The following PCDH15 variants were observed in gnomAD, a reference collection of about 807,000 sequenced individuals.
PCDH15 encodes the protein protocadherin related 15, also known as protocadherin-15.
In PCDH15, 129 loss-of-function variants were observed where a neutral mutation model predicts 178.5. The observed-to-expected ratio is 0.72, with a 90% CI of 0.63 to 0.84. The LOEUF (loss-of-function observed/expected upper bound fraction) is 0.84, where lower values mean the gene tolerates loss of function less well. Among genes scored for constraint, PCDH15 ranks in the 40% least tolerant of loss-of-function variants. The probability of loss-of-function intolerance (pLI) is 0.00; values close to 1 mark genes in which losing one functional copy is unlikely to be tolerated. For synonymous variants in PCDH15, 800 were observed against 732.0 expected (o/e 1.09, Z -1.50); for missense variants, 2,230 against 2,099.9 (o/e 1.06, Z -1.21).
At chr10:53,959,601 T>A in intron 23 of PCDH15, 131 bp downstream of exon 23, 1 of 669,000 alleles carries the variant, frequency 1.5e-6, no homozygotes. Flanking sequence ...CTATATTTTA[T>A]GTTAATTTAG....
chr10:53,913,042 T>C (rs1017386889), intron 25 of PCDH15, among the ~76,000 whole-genome samples: 1 of 152,144 alleles, frequency 6.6e-6, no homozygotes, highest in Admixed American at 6.6e-5. Context: ...CTTCAAGCTA[T>C]ACTACAAGGC....
chr10:53,932,222 A>G (rs137901466), intron 25 of PCDH15, among the ~76,000 whole-genome samples: 1,678 of 152,320 alleles, frequency 0.011, 21 homozygotes, highest in African/African-American at 0.022. Context: ...TGCCTTTTGC[A>G]GTATCATCAC....
rs903145299 is a variant in PCDH15 at position 54,664,179 on chromosome 10, A to G, written c.84T>C (p.Tyr28=). 1.2e-6 allele frequency: 2 copies of G among 1,611,686 alleles called. No homozygotes were observed. Among genetic ancestry groups the G allele is most frequent in the Non-Finnish European group, 1.7e-6 (2 of 1,178,534 alleles). The change falls in exon 2 of 38, where the codon TAT becomes TAC. Residue 28 remains tyrosine, a synonymous_variant. Coordinates refer to ENST00000644397, the MANE Select transcript of PCDH15 (RefSeq NM_001384140.1). The part of the protein sequence containing the change: ...GSLFEICLGQ[Y]DDDCKLARGG... ...AGCTAAAAGCAACCTTACCATCATCATACTGGCCCAAGCAGATTTCAAAGA... is the reference window on the plus strand; with the variant it reads ...AGCTAAAAGCAACCTTACCATCATCGTACTGGCCCAAGCAGATTTCAAAGA...
chr10:54,598,308 G>A (rs111533199), intron 2 of PCDH15, among the ~76,000 whole-genome samples: 4,232 of 152,076 alleles, frequency 0.028, 197 homozygotes, highest in African/African-American at 0.097. Flanking sequence ...TGGGATGCAA[G>A]GTTTGTTCAA....
chr10:54,971,422 C>G (rs1390676993), intron 2 of PCDH15, among the ~76,000 whole-genome samples: 5 of 152,134 alleles, frequency 3.3e-5, no homozygotes, highest in Non-Finnish European at 5.9e-5. Context: ...AGCCTGGGCC[C>G]TTACTGGACA....
At chr10:54,995,845 A>G (rs1358299870) in intron 2 of PCDH15, among the ~76,000 whole-genome samples, 1 of 151,852 alleles carries the variant, frequency 6.6e-6, no homozygotes, top group Non-Finnish European at 1.5e-5. Context: ...GTCTGTTGAC[A>G]AACTCCTCTT....
chr10:54,506,649 T>C (rs1012741131), intron 3 of PCDH15, among the ~76,000 whole-genome samples: 10 of 152,092 alleles, frequency 6.6e-5, no homozygotes, highest in African/African-American at 2.4e-4. Context: ...CATTCTTCAG[T>C]TGACTAAACT....
intron 1 of PCDH15, among the ~76,000 whole-genome samples, chr10:55,183,358 T>G (rs1230061544): frequency 6.6e-6 from 1 of 151,892 alleles, no homozygotes. Context: ...TTATCATTGA[T>G]GAAATAAAAA....
Position 55,570,381 on chromosome 10 carries a change from T to C in PCDH15, c.-156+57244A>G, listed in dbSNP as rs145706462. Among the ~76,000 whole-genome samples the C allele has an allele frequency of 6.4e-3, 970 of 152,058 alleles. 6 individuals carry two copies. The highest frequency in any genetic ancestry group is 0.021 in the African/African-American group (885 of 41,538). ...AAGTGTCTAATACAACACTGGATGATTGTAGGCATAGTTTTTCACTTAAGT... is the reference window on the plus strand; with the variant it reads ...AAGTGTCTAATACAACACTGGATGACTGTAGGCATAGTTTTTCACTTAAGT... On this transcript the variant is annotated intron_variant, in intron 2 of 5. Transcript: ENST00000613346.
intron 3 of PCDH15, among the ~76,000 whole-genome samples, chr10:54,842,061 T>C (rs912462597): frequency 1.3e-5 from 2 of 151,876 alleles, no homozygotes; most frequent in Admixed American, 1.3e-4. Flanking sequence ...GATCTTTAGT[T>C]ATATCGAGGA....
intron 3 of PCDH15, among the ~76,000 whole-genome samples, chr10:54,417,898 A>G (rs1310909017): frequency 6.6e-6 from 1 of 152,030 alleles, no homozygotes; most frequent in Non-Finnish European, 1.5e-5. Context: ...TACACATGCT[A>G]TTTGTTTATT....
intron 23 of PCDH15, among the ~76,000 whole-genome samples, chr10:53,954,322 G>A (rs2087392946): frequency 1.3e-5 from 2 of 151,972 alleles, no homozygotes; most frequent in South Asian, 4.1e-4. Context: ...TTACAATTTT[G>A]GAAGAAGACA....
At chr10:55,495,123 T>C (rs1424391200) in intron 2 of PCDH15, among the ~76,000 whole-genome samples, 1 of 151,724 alleles carries the variant, frequency 6.6e-6, no homozygotes, top group Non-Finnish European at 1.5e-5. Flanking sequence ...TATACCTAAA[T>C]ATGTATGAGT....
chr10:55,321,112 A>G (rs955487331), upstream of PCDH15, among the ~76,000 whole-genome samples: 2 of 152,012 alleles, frequency 1.3e-5, no homozygotes, highest in Non-Finnish European at 2.9e-5. Flanking sequence ...GGAAGGAAAG[A>G]GAGAGAAAGA....
At chr10:54,068,853 A>G (rs1289377997) in intron 17 of PCDH15, among the ~76,000 whole-genome samples, 2 of 151,558 alleles carry the variant, frequency 1.3e-5, no homozygotes, top group Non-Finnish European at 2.9e-5. Flanking sequence ...TGTGTGTTAT[A>G]TTTTCTTAAG....
At chr10:55,525,677 T>C (rs1166038038) in intron 2 of PCDH15, among the ~76,000 whole-genome samples, 3 of 151,938 alleles carry the variant, frequency 2.0e-5, no homozygotes, top group Non-Finnish European at 4.4e-5. Flanking sequence ...CCCAAAGATA[T>C]ATAAACTTTG....
At chr10:55,279,024 G>A (rs576426540) in intron 1 of PCDH15, among the ~76,000 whole-genome samples, 5 of 152,272 alleles carry the variant, frequency 3.3e-5, no homozygotes, top group African/African-American at 1.2e-4. Context: ...CGTGAGTTGG[G>A]CAATAGGTGT....
chr10:55,285,373 T>C (rs1842840442), intron 1 of PCDH15, among the ~76,000 whole-genome samples: 1 of 151,446 alleles, frequency 6.6e-6, no homozygotes, highest in African/African-American at 2.4e-5. Flanking sequence ...TTTATACACA[T>C]AGGTACATAT....
intron 2 of PCDH15, among the ~76,000 whole-genome samples, chr10:55,550,440 C>T (rs1005083180): frequency 1.4e-4 from 22 of 152,060 alleles, no homozygotes; most frequent in Admixed American, 1.4e-3. Flanking sequence ...GAGTATGAGT[C>T]ATAGTATGGA....
Sources: allele counts gnomAD v4.1 joint callset (sites outside exome capture counted in the v4.1 genomes callset), GRCh38; gene constraint gnomAD v4.1.1; transcripts MANE v1.5; gene names NCBI Gene and HGNC (gene_info 2026-07-23, HGNC 2026-07-21).